The following CAPS2 variants were observed in gnomAD, a reference collection of about 807,000 sequenced individuals.
The protein encoded by CAPS2 is calcyphosine 2.
CAPS2 carries 98 observed loss-of-function variants against 86.5 expected under a neutral mutation model. That is an observed-to-expected ratio of 1.13 (90% CI 0.96 to 1.34). The LOEUF (loss-of-function observed/expected upper bound fraction) is 1.34. Ranked by LOEUF, CAPS2 falls within the 40% of genes most tolerant of loss-of-function variation. The probability of loss-of-function intolerance (pLI) is 0.00; values close to 1 mark genes in which losing one functional copy is unlikely to be tolerated. For missense variants in CAPS2, 729 were observed against 686.8 expected (o/e 1.06, Z -0.69); for synonymous variants, 210 against 225.1 (o/e 0.93, Z 0.60).
At chr12:75,376,041 A>G (rs1478491429) in intron 1 of CAPS2, among the ~76,000 whole-genome samples, 1 of 152,172 alleles carries the variant, frequency 6.6e-6, no homozygotes, top group African/African-American at 2.4e-5. Context: ...GGAATGAGTA[A>G]GTCTAAAGTG....
chr12:75,307,970 C>T (rs572546177), intron 7 of CAPS2, among the ~76,000 whole-genome samples: 2 of 152,276 alleles, frequency 1.3e-5, no homozygotes, highest in South Asian at 4.1e-4. Flanking sequence ...CCCAACTTTC[C>T]ACACCCAAGT....
chr12:75,360,942 T>TG (rs2043543079), intron 1 of CAPS2: 1 of 152,186 alleles, frequency 6.6e-6, no homozygotes, highest in African/African-American at 2.4e-5. Context: ...CCAACACTGT[T>TG]GCAGTCTTTC....
In CAPS2 at chr12:75,326,411, C is replaced by T; in HGVS notation, c.81+7G>A. ...TGAAAGAAGAAAATTATATAGAGCT[C>T]ACATACTTGTAGAGGCTTCTTTCTT... On this transcript the variant is annotated splice_region_variant and intron_variant, in intron 1 of 16. Coordinates refer to ENST00000393284, the Ensembl canonical transcript of CAPS2. 1 of 1,245,860 alleles carries T rather than the reference C, an allele frequency of 8.0e-7. No homozygotes were observed. Among genetic ancestry groups the T allele is most frequent in the Non-Finnish European group, 1.1e-6 (1 of 872,024 alleles). The allele number at this position is 1,245,860 out of a possible 1,614,324, so 77.2% of individuals were successfully genotyped here.
At chr12:75,328,168 T>C (rs1251266469), upstream of CAPS2, among the ~76,000 whole-genome samples, 1 of 152,170 alleles carries the variant, frequency 6.6e-6, no homozygotes, top group African/African-American at 2.4e-5. Flanking sequence ...TGTTGTTTTG[T>C]TTTGGAGGCC....
At chr12:75,378,201 G>A (rs968058807) in intron 1 of CAPS2, among the ~76,000 whole-genome samples, 7 of 151,912 alleles carry the variant, frequency 4.6e-5, no homozygotes, top group African/African-American at 9.7e-5. Context: ...GTTTTGCCAC[G>A]TTGCCCAGGC....
chr12:75,291,747 G>C (rs1043491616), exon 13 of CAPS2: 3 of 1,543,632 alleles, frequency 1.9e-6, no homozygotes, highest in Non-Finnish European at 2.7e-6. Flanking sequence ...CACATACCTT[G>C]AATTGCTTTG....
At chr12:75,343,904 T>C (rs143052259) in intron 1 of CAPS2, 2 of 1,611,428 alleles carry the variant, frequency 1.2e-6, no homozygotes, top group South Asian at 1.1e-5. Context: ...TTTGATAGTC[T>C]ATCATGCTCC....
At chr12:75,363,546 C>T (rs780457699) in intron 1 of CAPS2, among the ~76,000 whole-genome samples, 1 of 152,082 alleles carries the variant, frequency 6.6e-6, no homozygotes, top group Non-Finnish European at 1.5e-5. Flanking sequence ...AGTAATTTGT[C>T]AGTCAATGTC....
chr12:75,322,856 C>A, intron 4 of CAPS2: 3 of 587,498 alleles, frequency 5.1e-6, no homozygotes, highest in Non-Finnish European at 8.9e-6. Context: ...ATTATTTCAC[C>A]AACCTTATGG....
intron 1 of CAPS2, among the ~76,000 whole-genome samples, chr12:75,382,618 C>T (rs1041019469): frequency 5.7e-4 from 85 of 148,232 alleles, no homozygotes; most frequent in African/African-American, 1.5e-3. Context: ...CCAGCCTGGG[C>T]GACAGAGTGA....
chr12:75,381,403 C>T (rs925503410), intron 1 of CAPS2, among the ~76,000 whole-genome samples: 16 of 151,948 alleles, frequency 1.1e-4, no homozygotes, highest in African/African-American at 2.9e-4. Flanking sequence ...ACTAATACAG[C>T]GACAAACGAT....
chr12:75,305,810 T>C (rs2038405098), intron 7 of CAPS2: 1 of 736,116 alleles, frequency 1.4e-6, no homozygotes, highest in Non-Finnish European at 2.5e-6. Context: ...CAATTAGTGA[T>C]GGAGGGGCAT....
At chr12:75,347,955 A>G (rs1268602886) in intron 1 of CAPS2, among the ~76,000 whole-genome samples, 1 of 152,134 alleles carries the variant, frequency 6.6e-6, no homozygotes, top group Non-Finnish European at 1.5e-5. Context: ...AATGATGGAG[A>G]CTGATAGGTT....
At chr12:75,287,484 A>G (rs908640290) in intron 14 of CAPS2, among the ~76,000 whole-genome samples, 2 of 152,070 alleles carry the variant, frequency 1.3e-5, no homozygotes, top group African/African-American at 2.4e-5. Context: ...CCTTCAGTCT[A>G]TCAGTATTAG....
At chr12:75,300,608 A>G (rs1244901818) in intron 8 of CAPS2, among the ~76,000 whole-genome samples, 2 of 151,276 alleles carry the variant, frequency 1.3e-5, no homozygotes, top group South Asian at 2.1e-4. Context: ...GCATCTTGCA[A>G]TTAAGGATGA....
intron 1 of CAPS2, among the ~76,000 whole-genome samples, chr12:75,387,257 A>G (rs1482020277): frequency 6.6e-6 from 1 of 152,214 alleles, no homozygotes; most frequent in East Asian, 1.9e-4. Flanking sequence ...AAAAACCTTA[A>G]TGGACACCTC....
intron 1 of CAPS2, among the ~76,000 whole-genome samples, chr12:75,389,867 G>C (rs2045485475): frequency 1.3e-5 from 2 of 152,080 alleles, no homozygotes. Context: ...TTGAAAGCTG[G>C]ATCTGTGTCT....
chr12:75,317,473 G>A (rs555367396), intron 5 of CAPS2, among the ~76,000 whole-genome samples: 6 of 152,160 alleles, frequency 3.9e-5, no homozygotes, highest in Non-Finnish European at 4.4e-5. Flanking sequence ...ATTGTATTTT[G>A]TTCAGGTTGA....
In CAPS2 at chr12:75,307,657, G is replaced by T. The variant is rs1593416561; in HGVS notation, c.660-2781C>A. ...AAATTATATTGTTAAATTATCTCAT[G>T]TACCCCAAAGCTATAAAATACATAA... On this transcript the variant is annotated intron_variant, in intron 7 of 16. Transcript: ENST00000393284. Among the ~76,000 whole-genome samples the T allele has an allele frequency of 2.6e-5, 4 of 152,068 alleles. No homozygotes were observed. The South Asian group carries it at 8.3e-4, about 32-fold the overall frequency.
Sources: allele counts gnomAD v4.1 joint callset (sites outside exome capture counted in the v4.1 genomes callset), GRCh38; gene constraint gnomAD v4.1.1; transcripts MANE v1.5; gene names NCBI Gene and HGNC (gene_info 2026-07-23, HGNC 2026-07-21).